The following MRAP2 variants were observed in gnomAD, a reference collection of about 807,000 sequenced individuals.
MRAP2 encodes melanocortin 2 receptor accessory protein 2, also known as melanocortin-2 receptor accessory protein 2.
Under a neutral mutation model 17.4 loss-of-function variants are expected in MRAP2, and 20 were observed. That is an observed-to-expected ratio of 1.15 (90% CI 0.81 to 1.67). The LOEUF (loss-of-function observed/expected upper bound fraction) is 1.67. MRAP2 is among the 40% of genes most tolerant of loss of function. MRAP2 has a pLI of 0.00. For missense variants in MRAP2, 238 were observed against 240.0 expected (o/e 0.99, Z 0.05); for synonymous variants, 96 against 88.4 (o/e 1.09, Z -0.48).
the MRAP2 span, among the ~76,000 whole-genome samples, chr6:84,139,075 C>T: frequency 2.0e-5 from 3 of 152,196 alleles, no homozygotes; most frequent in South Asian, 4.1e-4. Flanking sequence ...CCTGGCCTTT[C>T]ACACTTTTTA....
intron 3 of MRAP2, 104 bp downstream of exon 3, chr6:84,063,096 G>C (rs1035147087): frequency 2.6e-6 from 4 of 1,551,878 alleles, no homozygotes; most frequent in Middle Eastern, 1.7e-4. Context: ...TGAAGAGAAG[G>C]GGGTGGTTAT....
At chr6:84,064,774 A>T (rs79241052) in intron 3 of MRAP2, among the ~76,000 whole-genome samples, 1 of 152,038 alleles carries the variant, frequency 6.6e-6, no homozygotes, top group Non-Finnish European at 1.5e-5. Context: ...GGCGTGAGCC[A>T]CCGCGCCGGG....
At chr6:84,060,852 ATTT>A (rs771171189) in intron 2 of MRAP2, among the ~76,000 whole-genome samples, 5 of 119,544 alleles carry the variant, frequency 4.2e-5, no homozygotes, top group Admixed American at 8.3e-5. Context: ...CACCCGGCTA[ATTT>A]TTTTTTTTTT....
At chr6:84,091,986 T>A (rs2099501849), downstream of MRAP2, among the ~76,000 whole-genome samples, 1 of 152,196 alleles carries the variant, frequency 6.6e-6, no homozygotes, top group Non-Finnish European at 1.5e-5. Flanking sequence ...AAGTCTAAAA[T>A]CAGTTTCAGT....
chr6:84,076,864 T>TTACTTGTGTTGTCCCCA (rs1474256313), intron 3 of MRAP2, among the ~76,000 whole-genome samples: 38 of 152,200 alleles, frequency 2.5e-4, no homozygotes, highest in Non-Finnish European at 4.8e-4. Flanking sequence ...ATCCAGAGCA[T>TTACTTGTGTTGTCCCCA]TACTTGTGTT....
chr6:84,046,883 A>G lies in MRAP2; in HGVS notation c.-7-8429A>G, dbSNP rs148247613. 1.8e-3 allele frequency among the ~76,000 whole-genome samples: 269 copies of G among 151,654 alleles called. 1 individual carries two copies. Among genetic ancestry groups the G allele is most frequent in the African/African-American group, 6.3e-3 (259 of 41,338 alleles). On this transcript the variant is annotated intron_variant, in intron 1 of 3. Transcript: ENST00000257776. ...GACCATGAGCTGGCAAAGCACACATATTCTCCCACCTGTCTATGACTCTGT... is the reference window on the plus strand; with the variant it reads ...GACCATGAGCTGGCAAAGCACACATGTTCTCCCACCTGTCTATGACTCTGT...
chr6:84,108,728 C>A, the MRAP2 span, among the ~76,000 whole-genome samples: 1 of 152,096 alleles, frequency 6.6e-6, no homozygotes, highest in Non-Finnish European at 1.5e-5. Context: ...CTATTGGCAT[C>A]TTTGTCATCA....
At chr6:84,108,358 A>G in the MRAP2 span, among the ~76,000 whole-genome samples, 1 of 152,076 alleles carries the variant, frequency 6.6e-6, no homozygotes, top group Admixed American at 6.6e-5. Context: ...TTCACTTTAT[A>G]ATAGTAGCCA....
the MRAP2 span, among the ~76,000 whole-genome samples, chr6:84,120,015 T>C: frequency 3.9e-5 from 6 of 152,178 alleles, no homozygotes; most frequent in Non-Finnish European, 7.3e-5. Context: ...TCCCATGATA[T>C]GTAATGTGCA....
chr6:84,054,919 G>A lies in MRAP2; in HGVS notation c.-7-393G>A, dbSNP rs192823382. ...TCAAATTAGTATCAGCAATGAACTA[G>A]TTTCAGCAGGCTCTTTACATACTCT... On this transcript the variant is annotated intron_variant, in intron 1 of 3. Transcript: ENST00000257776. Among the ~76,000 whole-genome samples, 33 of 152,312 alleles carry A rather than the reference G, an allele frequency of 2.2e-4. No individual in the cohort carries two copies. The East Asian group carries it at 6.0e-3, about 28-fold the overall frequency.
chr6:84,094,644 A>G (rs114305096), downstream of MRAP2, among the ~76,000 whole-genome samples: 1,629 of 152,230 alleles, frequency 0.011, 32 homozygotes, highest in African/African-American at 0.036. Flanking sequence ...TACCTTTAGT[A>G]TCCATATTTC....
At chr6:84,078,970 G>A (rs182210221) in intron 3 of MRAP2, among the ~76,000 whole-genome samples, 74 of 152,334 alleles carry the variant, frequency 4.9e-4, no homozygotes, top group Middle Eastern at 6.8e-3. Flanking sequence ...GTGGTGGAGT[G>A]TAAAATGGTA....
At chr6:84,131,330 G>A in the MRAP2 span, among the ~76,000 whole-genome samples, 1 of 152,182 alleles carries the variant, frequency 6.6e-6, no homozygotes, top group Non-Finnish European at 1.5e-5. Context: ...CTGTTGATTT[G>A]GGGTGGAGAG....
intron 3 of MRAP2, among the ~76,000 whole-genome samples, chr6:84,074,213 C>T (rs2099497027): frequency 6.6e-6 from 1 of 152,222 alleles, no homozygotes; most frequent in Non-Finnish European, 1.5e-5. Context: ...ATCCCAGCTT[C>T]ACCTTGGCTG....
intron 3 of MRAP2, among the ~76,000 whole-genome samples, chr6:84,073,776 AT>A (rs2099496846): frequency 6.6e-6 from 1 of 152,074 alleles, no homozygotes; most frequent in Non-Finnish European, 1.5e-5. Flanking sequence ...TCCTGGGATT[AT>A]TGTAAACCAA....
chr6:84,096,540 T>A, the MRAP2 span, among the ~76,000 whole-genome samples: 1 of 152,110 alleles, frequency 6.6e-6, no homozygotes, highest in Non-Finnish European at 1.5e-5. Flanking sequence ...ATGACTTGCA[T>A]TAAAGAAATA....
intron 3 of MRAP2, among the ~76,000 whole-genome samples, chr6:84,065,206 A>G (rs58988815): frequency 0.15 from 22,773 of 151,784 alleles, 1,728 homozygotes; most frequent in Middle Eastern, 0.26. Flanking sequence ...GATCACTTGA[A>G]CCCAGGAAGT....
At chr6:84,091,106 C>T (rs1190537554), downstream of MRAP2, among the ~76,000 whole-genome samples, 1 of 151,858 alleles carries the variant, frequency 6.6e-6, no homozygotes, top group Non-Finnish European at 1.5e-5. Flanking sequence ...CTTTAAGACT[C>T]TAAATAGTAA....
At chr6:84,115,891 G>A in the MRAP2 span, among the ~76,000 whole-genome samples, 4 of 152,154 alleles carry the variant, frequency 2.6e-5, no homozygotes, top group South Asian at 4.1e-4. Flanking sequence ...GCTTCAGCTT[G>A]CCCTCCATGA....
Sources: allele counts gnomAD v4.1 joint callset (sites outside exome capture counted in the v4.1 genomes callset), GRCh38; gene constraint gnomAD v4.1.1; transcripts MANE v1.5; gene names NCBI Gene and HGNC (gene_info 2026-07-23, HGNC 2026-07-21).